The following GCFC2 variants were observed in gnomAD, a reference collection of about 807,000 sequenced individuals.
GCFC2 encodes GC-rich sequence DNA-binding factor 2, also known as intron Large complex component GCFC2.
Under a neutral mutation model 99.4 loss-of-function variants are expected in GCFC2, and 102 were observed. The ratio of observed to expected loss-of-function variants is 1.03; its 90% CI spans 0.87 to 1.21. GCFC2 has a LOEUF of 1.21. Among genes scored for constraint, GCFC2 ranks in the 50% most tolerant of loss-of-function variants. GCFC2 has a pLI of 0.00. For missense variants in GCFC2, 973 were observed against 920.9 expected (o/e 1.06, Z -0.73); for synonymous variants, 338 against 316.8 (o/e 1.07, Z -0.71).
At chr2:75,674,718 T>C (rs1469205957) in intron 12 of GCFC2, among the ~76,000 whole-genome samples, 2 of 152,182 alleles carry the variant, frequency 1.3e-5, no homozygotes, top group African/African-American at 4.8e-5. Context: ...CAAATTCAAC[T>C]GTCACATACT....
At chr2:75,694,104 A>AGGCT (rs1680200909) in intron 6 of GCFC2, 137 bp downstream of exon 6, 2 of 283,164 alleles carry the variant, frequency 7.1e-6, no homozygotes, top group Admixed American at 1.2e-4. Context: ...CATTAAGAGA[A>AGGCT]TGCTATCATC....
chr2:75,685,267 C>T (rs1211561058), intron 11 of GCFC2, among the ~76,000 whole-genome samples: 1 of 152,080 alleles, frequency 6.6e-6, no homozygotes, highest in Non-Finnish European at 1.5e-5. Context: ...GTTCCATTTC[C>T]CTCCTATCTT....
rs973942637 is a variant in GCFC2 at position 75,708,858 on chromosome 2, A to G, written c.265+1733T>C. Among the ~76,000 whole-genome samples the G allele has an allele frequency of 2.0e-5, 3 of 152,138 alleles. No homozygotes were observed. In the South Asian group the frequency reaches 6.2e-4, roughly 32 times the overall value. On this transcript the variant is annotated intron_variant, in intron 1 of 16. Coordinates refer to ENST00000321027, the MANE Select transcript of GCFC2 (RefSeq NM_003203.5). ...AGTTTATTACTTGTTGAGCTGTGTT[A>G]TATTAAAGCACAACACCCTCAATGA...
chr2:75,680,011 T>A (rs894939069), intron 12 of GCFC2, among the ~76,000 whole-genome samples, 182 bp downstream of exon 12: 12 of 135,192 alleles, frequency 8.9e-5, no homozygotes, highest in African/African-American at 2.8e-4. Flanking sequence ...GTTTAAAAAA[T>A]TTTTTTTTCA....
upstream of GCFC2, among the ~76,000 whole-genome samples, chr2:75,712,470 G>A (rs548075282): frequency 2.0e-5 from 3 of 152,104 alleles, no homozygotes; most frequent in African/African-American, 7.2e-5. Flanking sequence ...CACCAATCAC[G>A]GCCCTGTCAA....
chr2:75,689,937 A>C lies in GCFC2; in HGVS notation c.1339+32T>G. 2.6e-6 allele frequency: 3 copies of C among 1,154,442 alleles called. No homozygotes were observed. In the South Asian group the frequency reaches 3.9e-5, roughly 15 times the overall value. The allele number at this position is 1,154,442 out of a possible 1,614,324, so 71.5% of individuals were successfully genotyped here. On this transcript the variant is annotated intron_variant, in intron 9 of 16. Transcript: ENST00000321027. The stretch of plus-strand genomic sequence containing the variant: ...GTGTTTCTCACCATTTCAAAACTCA[A>C]ACCATGATATATTAGAAACTTGGTA...
rs1395619436 is a variant in GCFC2 at position 75,664,918 on chromosome 2, C to T, written c.2229-135G>A. On this transcript the variant is annotated intron_variant, in intron 16 of 16. Coordinates refer to ENST00000321027, the MANE Select transcript of GCFC2 (RefSeq NM_003203.5). The stretch of plus-strand genomic sequence containing the variant: ...AGCCAATATCTAAAGTAGCATAAAA[C>T]ACAGAGAGATGCTGCCATCTCCACT... 16 of 599,696 alleles carry T rather than the reference C, an allele frequency of 2.7e-5. No homozygotes were observed. The East Asian group carries it at 4.3e-4, about 16-fold the overall frequency. The allele number at this position is 599,696 out of a possible 1,614,324, so 37.1% of individuals were successfully genotyped here. A position where few individuals can be genotyped will look rare whatever the true frequency, so the allele number is the denominator to read the frequency against.
chr2:75,679,708 G>C (rs1322493710), intron 12 of GCFC2: 4 of 398,384 alleles, frequency 1.0e-5, no homozygotes, highest in Non-Finnish European at 1.8e-5. Flanking sequence ...AAGGTAATGA[G>C]TATTGTTGTC....
intron 11 of GCFC2, among the ~76,000 whole-genome samples, chr2:75,681,493 A>G (rs1023443354): frequency 9.9e-5 from 15 of 151,878 alleles, no homozygotes; most frequent in African/African-American, 3.4e-4. Flanking sequence ...TCATGCACAA[A>G]ACTGGGTGGC....
In GCFC2 at chr2:75,710,766, C is replaced by A; in HGVS notation, c.90G>T (p.Gly30=). 1 of 1,571,346 alleles carries A rather than the reference C, an allele frequency of 6.4e-7. No homozygotes were observed. The highest frequency in any genetic ancestry group is 2.4e-5 in the East Asian group (1 of 41,762). ...CCGGGACCGGAAGTTCCCTCGGCGC[C>A]CCAGGCTCAGCAGGCGACTCCTCGG... ...DGAEESPAEP[G]APRELPVPGS... The change falls in exon 1 of 17, where the codon GGG becomes GGT. Residue 30 remains glycine, a synonymous_variant. Transcript: ENST00000321027.
chr2:75,699,968 T>C (rs1342596039), intron 4 of GCFC2, among the ~76,000 whole-genome samples: 1 of 151,006 alleles, frequency 6.6e-6, no homozygotes, highest in African/African-American at 2.4e-5. Context: ...TGGCGTGATC[T>C]TGGCTCACTG....
At chr2:75,697,021 C>T (rs879685083) in intron 4 of GCFC2, among the ~76,000 whole-genome samples, 5 of 152,246 alleles carry the variant, frequency 3.3e-5, no homozygotes, top group East Asian at 1.9e-4. Flanking sequence ...CTCCTGACCT[C>T]GTCATCTGCC....
At chr2:75,701,365 T>G in intron 3 of GCFC2, 78 bp from the exon 4 acceptor site, 2 of 797,588 alleles carry the variant, frequency 2.5e-6, no homozygotes, top group Non-Finnish European at 4.3e-6. Flanking sequence ...TTTTTGAGAT[T>G]ATACAAAGGC....
chr2:75,702,562 G>A, intron 2 of GCFC2, 139 bp from the exon 3 acceptor site: 1 of 641,684 alleles, frequency 1.6e-6, no homozygotes, highest in East Asian at 2.7e-5. Context: ...TTAATAAATG[G>A]CTCAAAATCT....
At chr2:75,676,125 C>T (rs1181282844) in intron 12 of GCFC2, among the ~76,000 whole-genome samples, 2 of 151,848 alleles carry the variant, frequency 1.3e-5, no homozygotes, top group East Asian at 1.9e-4. Context: ...TATCGGATTG[C>T]GTAAGATTTA....
intron 12 of GCFC2, among the ~76,000 whole-genome samples, chr2:75,677,109 A>G (rs1010753796): frequency 1.3e-5 from 2 of 152,236 alleles, no homozygotes; most frequent in African/African-American, 4.8e-5. Flanking sequence ...TCAATAAACA[A>G]TGTTAAGTAT....
chr2:75,679,720 T>A (rs1034897151), intron 12 of GCFC2: 1 of 398,478 alleles, frequency 2.5e-6, no homozygotes, highest in Non-Finnish European at 4.4e-6. Context: ...ATTGTTGTCT[T>A]CCTTTAGAAG....
intron 1 of GCFC2, among the ~76,000 whole-genome samples, chr2:75,707,299 G>C (rs1323482599): frequency 6.6e-6 from 1 of 152,136 alleles, no homozygotes; most frequent in Non-Finnish European, 1.5e-5. Context: ...TAAATAGTCT[G>C]TTAAATTCAA....
chr2:75,691,096 G>A (rs890764519), intron 7 of GCFC2, among the ~76,000 whole-genome samples: 1 of 152,126 alleles, frequency 6.6e-6, no homozygotes, highest in African/African-American at 2.4e-5. Flanking sequence ...CTAATCTGCA[G>A]GGGACACCTT....
Sources: allele counts gnomAD v4.1 joint callset (sites outside exome capture counted in the v4.1 genomes callset), GRCh38; gene constraint gnomAD v4.1.1; transcripts MANE v1.5; gene names NCBI Gene and HGNC (gene_info 2026-07-23, HGNC 2026-07-21).